Variants in SLC17A4 observed in about 807,000 individuals in gnomAD.
SLC17A4 encodes solute carrier family 17 member 4.
SLC17A4 carries 33 observed loss-of-function variants against 52.5 expected under a neutral mutation model. The ratio of observed to expected loss-of-function variants is 0.63; its 90% CI spans 0.48 to 0.84. The LOEUF (loss-of-function observed/expected upper bound fraction) is 0.84, where lower values mean the gene tolerates loss of function less well. SLC17A4 is among the 40% of genes least tolerant of loss of function. SLC17A4 has a pLI of 0.00. For synonymous variants in SLC17A4, 225 were observed against 216.2 expected (o/e 1.04, Z -0.36); for missense variants, 585 against 597.1 (o/e 0.98, Z 0.21).
chr6:25,762,731 C>T (rs1561797974), intron 2 of SLC17A4, among the ~76,000 whole-genome samples: 2 of 152,160 alleles, frequency 1.3e-5, no homozygotes, highest in Admixed American at 1.3e-4. Flanking sequence ...GAGATTTCTC[C>T]TAATCTCAAC....
chr6:25,777,935 C>T lies in SLC17A4; in HGVS notation c.1278C>T (p.Gly426=). Residue 426 remains glycine, a synonymous_variant, in exon 11 of 12, where the codon GGC becomes GGT. Coordinates refer to ENST00000377905, the MANE Select transcript of SLC17A4 (RefSeq NM_005495.3). ...NFLDIAPRYT[G]FLKGLLQVFA... is the part of the protein sequence containing the mutation. The stretch of plus-strand genomic sequence containing the variant: ...CATCTCTCTCTCTCAGGTACACTGG[C>T]TTTCTCAAAGGACTATTGCAAGTCT... The T allele has an allele frequency of 6.2e-7, 1 of 1,612,914 alleles. No homozygotes were observed.
rs958121999 is a variant in SLC17A4 at position 25,779,307 on chromosome 6, G to A, written c.*119G>A. 10 of 1,389,504 alleles carry A rather than the reference G, an allele frequency of 7.2e-6. No individual in the cohort carries two copies. The highest frequency in any genetic ancestry group is 1.5e-5 in the South Asian group (1 of 68,380). 86.1% of individuals were successfully genotyped at this position (1,389,504 alleles called of 1,614,324 possible). On this transcript the variant is annotated 3_prime_UTR_variant, in exon 12 of 12. Coordinates refer to ENST00000377905, the MANE Select transcript of SLC17A4 (RefSeq NM_005495.3). ...ATTAGCTAGACCCTGACTATGTAAC[G>A]CTAAAGATTTTACCATGCCTGGAAA...
chr6:25,770,997 G>C lies in SLC17A4; in HGVS notation c.691G>C (p.Val231Leu), dbSNP rs377514715. The change falls in exon 6 of 12, where the codon GTC becomes CTC. Residue 231 changes from valine to leucine, a missense_variant. Transcript: ENST00000377905. The stretch of plus-strand genomic sequence containing the variant: ...CTGCCAGACCATAGGATGGCCTTAC[G>C]TCTTCTATATCTTTGGTGAGTGTGC... ...LLCQTIGWPY[V>L]FYIFGGIGCA... 3 of 1,613,570 alleles carry C rather than the reference G, an allele frequency of 1.9e-6. No homozygotes were observed. The highest frequency in any genetic ancestry group is 2.5e-6 in the Non-Finnish European group (3 of 1,179,634).
At chr6:25,769,250 A>G in intron 3 of SLC17A4, 60 bp downstream of exon 3, 3 of 1,455,798 alleles carry the variant, frequency 2.1e-6, no homozygotes, top group Admixed American at 1.8e-5. Flanking sequence ...TTAAAGAGTT[A>G]TAAAAGAGTG....
At chr6:25,774,411 G>A (rs754098563) in intron 8 of SLC17A4, among the ~76,000 whole-genome samples, 4 of 152,256 alleles carry the variant, frequency 2.6e-5, no homozygotes, top group South Asian at 2.1e-4. Flanking sequence ...AAGCCTTCTC[G>A]TATTGATTGG....
chr6:25,761,934 A>G lies in SLC17A4; in HGVS notation c.-29A>G, dbSNP rs1441548106. The G allele has an allele frequency of 6.4e-7, 1 of 1,570,986 alleles. No individual in the cohort carries two copies. Among genetic ancestry groups the G allele is most frequent in the African/African-American group, 1.4e-5 (1 of 73,928 alleles). ...GTATTCTTTTTATTTCAGTAAGTAA[A>G]TGCCAGTCCCTAGGAAGAGAGAACC... On this transcript the variant is annotated 5_prime_UTR_variant, in exon 2 of 12. The change abolishes an upstream ATG in the 5' untranslated region. Transcript: ENST00000377905.
At chr6:25,768,520 C>A in intron 2 of SLC17A4, 1 of 404,758 alleles carries the variant, frequency 2.5e-6, no homozygotes, top group Non-Finnish European at 3.4e-6. Context: ...CATCTCTCCC[C>A]AGCCCCAGAC....
At chr6:25,762,103 C>T (rs2151423571) in intron 2 of SLC17A4, 50 bp downstream of exon 2, 1 of 1,508,930 alleles carries the variant, frequency 6.6e-7, no homozygotes, top group East Asian at 2.3e-5. Context: ...GGATCTGTGG[C>T]ACTGTAACTT....
At chr6:25,760,362 T>C (rs1027509398) in intron 1 of SLC17A4, among the ~76,000 whole-genome samples, 1 of 152,216 alleles carries the variant, frequency 6.6e-6, no homozygotes, top group Non-Finnish European at 1.5e-5. Flanking sequence ...TCTCCCCTTC[T>C]GTAAGTGATC....
At chr6:25,772,672 T>A (rs1762578263) in intron 6 of SLC17A4, among the ~76,000 whole-genome samples, 1 of 152,210 alleles carries the variant, frequency 6.6e-6, no homozygotes, top group Admixed American at 6.5e-5. Flanking sequence ...TGCTGCTCAC[T>A]CTTATGTGCT....
intron 1 of SLC17A4, among the ~76,000 whole-genome samples, chr6:25,756,644 T>C (rs79586385): frequency 0.011 from 1,704 of 152,226 alleles, 18 homozygotes; most frequent in Non-Finnish European, 0.016. Flanking sequence ...GCAAAACCAT[T>C]ATCGCCTGTT....
chr6:25,777,652 C>T lies in SLC17A4; in HGVS notation c.1269-274C>T, dbSNP rs1168357262. 4 of 319,290 alleles carry T rather than the reference C, an allele frequency of 1.3e-5. No individual in the cohort carries two copies. The East Asian group carries it at 2.2e-4, about 17-fold the overall frequency. The allele number at this position is 319,290 out of a possible 1,614,324, so 19.8% of individuals were successfully genotyped here. The stretch of plus-strand genomic sequence containing the variant: ...GCAGACCATCAATCTGACCATCTTG[C>T]ATAAACAATGTTGACAAGTTAATAG... On this transcript the variant is annotated intron_variant, in intron 10 of 11. Coordinates refer to ENST00000377905, the MANE Select transcript of SLC17A4 (RefSeq NM_005495.3).
intron 6 of SLC17A4, 149 bp from the exon 7 acceptor site, chr6:25,773,126 T>C: frequency 1.4e-6 from 1 of 691,906 alleles, no homozygotes; most frequent in Non-Finnish European, 2.6e-6. Flanking sequence ...GGAAGTACCC[T>C]CCCCCATGAT....
At chr6:25,778,711 A>G (rs1763142144) in intron 11 of SLC17A4, among the ~76,000 whole-genome samples, 1 of 152,248 alleles carries the variant, frequency 6.6e-6, no homozygotes, top group South Asian at 2.1e-4. Context: ...AGCAAATGCT[A>G]AGAGGAGAAT....
Position 25,777,970 on chromosome 6 carries a change from T to C in SLC17A4, c.1313T>C (p.Ile438Thr). ...LKGLLQVFAH[I>T]AGAISPTAAG... ...GGACTATTGCAAGTCTTTGCACACA[T>C]AGCTGGAGCCATCTCTCCTACTGCT... Residue 438 changes from isoleucine to threonine, a missense_variant, in exon 11 of 12, where the codon ATA becomes ACA. Ile to Thr is a moderately conservative substitution (Grantham distance 89, BLOSUM62 -1). Coordinates refer to ENST00000377905, the MANE Select transcript of SLC17A4 (RefSeq NM_005495.3). 1 of 1,613,100 alleles carries C rather than the reference T, an allele frequency of 6.2e-7. No homozygotes were observed. The highest frequency in any genetic ancestry group is 8.5e-7 in the Non-Finnish European group (1 of 1,179,638).
chr6:25,779,449 G>T lies in SLC17A4; in HGVS notation c.*261G>T, dbSNP rs1212161704. The T allele has an allele frequency of 2.8e-6, 1 of 354,404 alleles. No individual in the cohort carries two copies. Among genetic ancestry groups the T allele is most frequent in the Non-Finnish European group, 5.0e-6 (1 of 199,850 alleles). The allele number at this position is 354,404 out of a possible 1,614,324, so 22.0% of individuals were successfully genotyped here. The stretch of plus-strand genomic sequence containing the variant: ...TGTTATCCTAGTAAAAGCATCAGGG[G>T]CTGGGGACAATTTCTTTCCAAAGCA... On this transcript the variant is annotated 3_prime_UTR_variant, in exon 12 of 12. Coordinates refer to ENST00000377905, the MANE Select transcript of SLC17A4 (RefSeq NM_005495.3).
At chr6:25,776,782 G>A in intron 9 of SLC17A4, 30 bp from the exon 10 acceptor site, 1 of 1,613,962 alleles carries the variant, frequency 6.2e-7, no homozygotes, top group Middle Eastern at 1.7e-4. Context: ...GCAGCCTTCA[G>A]TTTACTCTGT....
At chr6:25,778,619 A>G (rs1474664043) in intron 11 of SLC17A4, among the ~76,000 whole-genome samples, 2 of 152,182 alleles carry the variant, frequency 1.3e-5, no homozygotes, top group African/African-American at 4.8e-5. Flanking sequence ...TGAAACCTAT[A>G]TTGTAGAAAA....
intron 3 of SLC17A4, 145 bp from the exon 4 acceptor site, chr6:25,769,922 A>T: frequency 1.4e-6 from 1 of 710,336 alleles, no homozygotes; most frequent in Non-Finnish European, 2.4e-6. Context: ...TAGGGTTTTT[A>T]AATACATGAT....
Sources: gnomAD v4.1 joint callset for allele counts (sites outside exome capture counted in the v4.1 genomes callset) on GRCh38, gnomAD v4.1.1 for gene constraint, MANE v1.5 for transcripts, NCBI Gene and HGNC (gene_info 2026-07-23, HGNC 2026-07-21) for gene names.